Variants in PDE10A observed in about 807,000 individuals in gnomAD.
The protein encoded by PDE10A is cAMP and cAMP-inhibited cGMP 3',5'-cyclic phosphodiesterase 10A.
Under a neutral mutation model 97.7 loss-of-function variants are expected in PDE10A, and 39 were observed. The ratio of observed to expected loss-of-function variants is 0.40; its 90% CI spans 0.31 to 0.52. The LOEUF is 0.52. Among genes scored for constraint, PDE10A ranks in the 20% least tolerant of loss-of-function variants. The pLI, the probability that PDE10A is intolerant of heterozygous loss-of-function variation, is 0.56. For synonymous variants in PDE10A, 371 were observed against 376.8 expected (o/e 0.98, Z 0.18); for missense variants, 731 against 1,047.8 (o/e 0.70, Z 4.17).
chr6:165,653,611 T>A (rs1789792696), intron 1 of PDE10A, among the ~76,000 whole-genome samples: 1 of 151,990 alleles, frequency 6.6e-6, no homozygotes, highest in Non-Finnish European at 1.5e-5. Context: ...GGCACAGCTT[T>A]CCCCACCACA....
chr6:165,431,591 T>C (rs1789577065), intron 7 of PDE10A, 119 bp from the exon 8 acceptor site: 1 of 290,398 alleles, frequency 3.4e-6, no homozygotes, highest in African/African-American at 2.3e-5. Flanking sequence ...CTATATATAG[T>C]ATACTATATA....
rs828569 is a variant in PDE10A at position 165,607,399 on chromosome 6, C to A, written c.865+54548G>T. 7.6e-3 allele frequency among the ~76,000 whole-genome samples: 1,155 copies of A among 152,210 alleles called. 10 individuals carry two copies. Among genetic ancestry groups the A allele is most frequent in the South Asian group, 0.054 (260 of 4,824 alleles). Reference sequence around the variant, plus strand: ...CTAATGGTATAGCACAACACATTACCTTTTTATGTTCAGATATATTTGGTT... The same window carrying A: ...CTAATGGTATAGCACAACACATTACATTTTTATGTTCAGATATATTTGGTT... On this transcript the variant is annotated intron_variant, in intron 1 of 21. Coordinates refer to ENST00000539869, the MANE Select transcript of PDE10A (RefSeq NM_001385079.1).
upstream of PDE10A, among the ~76,000 whole-genome samples, chr6:165,665,331 C>T (rs765637690): frequency 1.3e-5 from 2 of 152,236 alleles, no homozygotes; most frequent in African/African-American, 4.8e-5. Context: ...CACCCGTGCT[C>T]AGGTGGCTGC....
At chr6:165,381,568 G>T (rs561278840) in intron 17 of PDE10A, among the ~76,000 whole-genome samples, 1 of 151,324 alleles carries the variant, frequency 6.6e-6, no homozygotes, top group Non-Finnish European at 1.5e-5. Context: ...GGATTCAAGC[G>T]ATTCTCCTGC....
At chr6:165,754,274 C>T (rs1472035251) in intron 1 of PDE10A, 2 of 152,296 alleles carry the variant, frequency 1.3e-5, no homozygotes. Flanking sequence ...TAGGTGCTTA[C>T]TAAGTGACTG....
intron 1 of PDE10A, among the ~76,000 whole-genome samples, chr6:165,943,240 AAGGAAGGAAGGAAG>A (rs1783621170): frequency 3.0e-5 from 2 of 65,726 alleles, no homozygotes; most frequent in African/African-American, 1.6e-4. Context: ...AGAAAGAAGG[AAGGAAGGAAGGAAG>A]GAAGGAAGGA....
At chr6:165,513,090 T>A (rs541357) in intron 2 of PDE10A, among the ~76,000 whole-genome samples, 141,183 of 151,996 alleles carry the variant, frequency 0.93, 65,747 homozygotes, top group East Asian at 1. Context: ...TTAAAATTTT[T>A]TGGACTGTGC....
intron 1 of PDE10A, among the ~76,000 whole-genome samples, chr6:165,795,071 A>C (rs1259442536): frequency 1.3e-5 from 2 of 152,160 alleles, no homozygotes; most frequent in Non-Finnish European, 2.9e-5. Flanking sequence ...AAAGGGAGTG[A>C]ATTTTCTGCA....
At chr6:165,717,637 G>T (rs1792058530) in intron 1 of PDE10A, among the ~76,000 whole-genome samples, 1 of 151,496 alleles carries the variant, frequency 6.6e-6, no homozygotes, top group Admixed American at 6.6e-5. Flanking sequence ...CATTTCTTTT[G>T]AGTATATATC....
At chr6:165,740,278 C>T (rs1792684742) in intron 1 of PDE10A, among the ~76,000 whole-genome samples, 1 of 151,338 alleles carries the variant, frequency 6.6e-6, no homozygotes, top group Non-Finnish European at 1.5e-5. Flanking sequence ...TATGTACATA[C>T]ACATATACAA....
intron 1 of PDE10A, among the ~76,000 whole-genome samples, chr6:165,674,500 G>A (rs908575212): frequency 6.6e-6 from 1 of 152,186 alleles, no homozygotes; most frequent in Non-Finnish European, 1.5e-5. Flanking sequence ...ACGTGCGTGC[G>A]TGGGAACCGT....
intron 1 of PDE10A, among the ~76,000 whole-genome samples, chr6:165,647,909 T>TAGC (rs2060212699): frequency 6.6e-6 from 1 of 152,244 alleles, no homozygotes; most frequent in Non-Finnish European, 1.5e-5. Context: ...TTAACGACTG[T>TAGC]AGCAAAAGAA....
intron 1 of PDE10A, among the ~76,000 whole-genome samples, chr6:165,882,400 T>C (rs992338828): frequency 3.9e-5 from 6 of 152,224 alleles, no homozygotes; most frequent in African/African-American, 1.4e-4. Context: ...ATTAATACCA[T>C]TGTGTATTAT....
intron 1 of PDE10A, among the ~76,000 whole-genome samples, chr6:165,851,015 G>A (rs1478703975): frequency 1.3e-5 from 2 of 152,176 alleles, no homozygotes; most frequent in African/African-American, 2.4e-5. Flanking sequence ...CTCTGCCTGC[G>A]TGTATAGGAA....
chr6:165,699,180 A>T (rs1034970829), intron 1 of PDE10A, among the ~76,000 whole-genome samples: 6 of 152,338 alleles, frequency 3.9e-5, no homozygotes, highest in Middle Eastern at 3.4e-3. Flanking sequence ...ACCACAGGAA[A>T]GGTGAAGTGG....
intron 1 of PDE10A, among the ~76,000 whole-genome samples, chr6:165,689,121 A>C (rs2128441179): frequency 6.6e-6 from 1 of 152,306 alleles, no homozygotes; most frequent in African/African-American, 2.4e-5. Flanking sequence ...GCTTTCCCTA[A>C]GTTCAATATA....
intron 1 of PDE10A, among the ~76,000 whole-genome samples, chr6:165,724,410 G>T (rs548083441): frequency 6.6e-6 from 1 of 152,098 alleles, no homozygotes; most frequent in Non-Finnish European, 1.5e-5. Flanking sequence ...TTAAATTATC[G>T]CTTCTATTTT....
chr6:165,486,205 C>A (rs907117556), intron 2 of PDE10A, among the ~76,000 whole-genome samples: 4 of 152,108 alleles, frequency 2.6e-5, no homozygotes, highest in African/African-American at 9.7e-5. Context: ...ATATATTTTT[C>A]GGGGGGATGT....
chr6:165,441,612 T>C (rs1475098466), intron 5 of PDE10A, among the ~76,000 whole-genome samples: 1 of 152,038 alleles, frequency 6.6e-6, no homozygotes, highest in East Asian at 1.9e-4. Context: ...CTAAACTACT[T>C]ACTAGGAAGT....
Sources: gnomAD v4.1 joint callset for allele counts (sites outside exome capture counted in the v4.1 genomes callset) on GRCh38, gnomAD v4.1.1 for gene constraint, MANE v1.5 for transcripts, NCBI Gene and HGNC (gene_info 2026-07-23, HGNC 2026-07-21) for gene names.